The following LSS variants were observed in gnomAD, a reference collection of about 807,000 sequenced individuals.
LSS encodes the protein lanosterol synthase, also known as 2,3-epoxysqualene-lanosterol cyclase.
LSS carries 90 observed loss-of-function variants against 110.3 expected under a neutral mutation model. The observed-to-expected ratio is 0.82, with a 90% CI of 0.69 to 0.97. LSS has a LOEUF of 0.97. LSS is among the 50% of genes least tolerant of loss of function. The pLI, the probability that LSS is intolerant of heterozygous loss-of-function variation, is 0.00. For synonymous variants in LSS, 433 were observed against 400.0 expected, an observed-to-expected ratio of 1.08 and a Z score of -0.98; for missense variants, 927 against 990.0, an observed-to-expected ratio of 0.94 and a Z score of 0.85.
rs1425889021 is a variant in LSS at position 46,194,653 on chromosome 21, C to T, written c.1826G>A (p.Cys609Tyr). The T allele has an allele frequency of 6.2e-7, 1 of 1,612,450 alleles. No individual in the cohort carries two copies. The highest frequency in any genetic ancestry group is 2.2e-5 in the East Asian group (1 of 44,878). Residue 609 changes from cysteine to tyrosine, a missense_variant, in exon 20 of 22, where the codon TGT becomes TAT. Coordinates refer to ENST00000397728, the MANE Select transcript of LSS (RefSeq NM_002340.6). Reference protein sequence around the residue: ...MGQTYRDGTACAEVSRACDFL... With the variant: ...MGQTYRDGTAYAEVSRACDFL... ...GTCACAGGCCCGGGAGACCTCTGCA[C>T]AGGCAGTCCTGCAAAGACCAGAGAC...
rs1389449012 is a variant in LSS at position 46,228,741 on chromosome 21, G to A, written c.5C>T (p.Thr2Met). The A allele has an allele frequency of 1.4e-5, 23 of 1,599,280 alleles. No homozygotes were observed. The highest frequency in any genetic ancestry group is 6.7e-5 in the East Asian group (3 of 44,586). M[T>M]EGTCLRRRGG... The stretch of plus-strand genomic sequence containing the variant: ...GGGCGAGGGGACTCACGTGCCCTCC[G>A]TCATTGCTGCTGCAGTGCTCTACGC... Residue 2 changes from threonine to methionine, a missense_variant, in exon 1 of 22, where the codon ACG (threonine) becomes ATG (methionine). By Grantham distance (81) the Thr-to-Met change is moderately conservative (BLOSUM62 -1). Coordinates refer to ENST00000397728, the MANE Select transcript of LSS (RefSeq NM_002340.6).
rs934118754 is a variant in LSS at position 46,216,148 on chromosome 21, G to T, written c.783+241C>A. Among the ~76,000 whole-genome samples the T allele has an allele frequency of 6.6e-6, 1 of 152,082 alleles. No individual in the cohort carries two copies. Among genetic ancestry groups the T allele is most frequent in the African/African-American group, 2.4e-5 (1 of 41,412 alleles). On this transcript the variant is annotated intron_variant, in intron 7 of 21. Coordinates refer to ENST00000397728, the MANE Select transcript of LSS (RefSeq NM_002340.6). The surrounding 1 kb of genome is among the most constrained non-coding windows in gnomAD (Gnocchi z 4.2). ...TGCCTCCTGCATCCCTTGAGTCCTG[G>T]AAGTCCCCCCCAGGAACCCTGGGCT...
At chr21:46,206,841 C>T in intron 15 of LSS, 73 bp from the exon 16 acceptor site, 1 of 1,121,342 alleles carries the variant, frequency 8.9e-7, no homozygotes, top group South Asian at 1.2e-5. Flanking sequence ...CACAGCGGAA[C>T]TCTCTAGAGG....
intron 3 of LSS, among the ~76,000 whole-genome samples, chr21:46,223,600 T>C (rs1490558237): frequency 6.6e-6 from 1 of 152,232 alleles, no homozygotes; most frequent in African/African-American, 2.4e-5. Context: ...TTATACCAGA[T>C]ATAGATCTTA....
rs117110314 is a variant in LSS, at chr21:46,219,700, T to C, written c.551-128A>G. 3,453 of 536,046 alleles carry C rather than the reference T, an allele frequency of 6.4e-3. 12 individuals are homozygous for C. Among genetic ancestry groups the C allele is most frequent in the Non-Finnish European group, 9.4e-3 (2,926 of 310,322 alleles). The allele number at this position is 536,046 out of a possible 1,614,324, so 33.2% of individuals were successfully genotyped here. A position where few individuals can be genotyped will look rare whatever the true frequency, so the allele number is the denominator to read the frequency against. On this transcript the variant is annotated intron_variant, in intron 5 of 21. Coordinates refer to ENST00000397728, the MANE Select transcript of LSS (RefSeq NM_002340.6). ...TCTCCATGAGGCAAGGGCAGCCTCA[T>C]GTGGATCTTGCGACCCCCATGTGCG...
At chr21:46,208,692 A>C (rs1383619636) in intron 13 of LSS, among the ~76,000 whole-genome samples, 3 of 152,154 alleles carry the variant, frequency 2.0e-5, no homozygotes, top group African/African-American at 7.2e-5. Context: ...CTCTCACCTC[A>C]GTGAGAAGGG....
Position 46,228,527 on chromosome 21 carries a change from G to C in LSS, c.87C>G (p.Cys29Trp). Residue 29 changes from cysteine (C) to tryptophan (W), a missense_variant, in exon 2 of 22, where the codon TGC becomes TGG. Coordinates refer to ENST00000397728, the MANE Select transcript of LSS (RefSeq NM_002340.6). ...ATDLGRWRLN[C>W]ERGRQTWTYL... ...AGGTCCACGTCTGCCGGCCCCTCTC[G>C]CAGTTGAGTCGCCAGCGGCCGAGGT... 1 of 1,600,394 alleles carries C rather than the reference G, an allele frequency of 6.2e-7. No homozygotes were observed. The highest frequency in any genetic ancestry group is 8.5e-7 in the Non-Finnish European group (1 of 1,178,940).
intron 12 of LSS, among the ~76,000 whole-genome samples, chr21:46,210,063 CTTTTTTTTTTT>C (rs71318051): frequency 1.3e-4 from 14 of 107,596 alleles, no homozygotes; most frequent in South Asian, 3.1e-4. Context: ...AGTTCCAGTT[CTTTTTTTTTTT>C]TTTTTTTTTT....
intron 17 of LSS, among the ~76,000 whole-genome samples, chr21:46,198,083 G>C (rs903921100): frequency 6.6e-6 from 1 of 151,998 alleles, no homozygotes; most frequent in Admixed American, 6.5e-5. Context: ...CTGGGCAACA[G>C]AGCAAGATCC....
rs2123727175 is a variant in LSS at position 46,209,086 on chromosome 21, C to T, written c.1266+468G>A. On this transcript the variant is annotated intron_variant, in intron 13 of 21. Coordinates refer to ENST00000397728, the MANE Select transcript of LSS (RefSeq NM_002340.6). This position sits in a 1 kb window ranked among gnomAD's most constrained non-coding sequence, Gnocchi z 4.4. Reference sequence around the variant, plus strand: ...AGGCACGTGTGAGAGACACTGAGGTCAAACTATGGGCTCGGGCAGGGTCTG... The same window carrying T: ...AGGCACGTGTGAGAGACACTGAGGTTAAACTATGGGCTCGGGCAGGGTCTG... Among the ~76,000 whole-genome samples the T allele has an allele frequency of 6.6e-6, 1 of 152,230 alleles. No individual in the cohort carries two copies. Among genetic ancestry groups the T allele is most frequent in the Non-Finnish European group, 1.5e-5 (1 of 67,998 alleles).
At chr21:46,217,243 CA>C (rs752647829) in intron 6 of LSS, among the ~76,000 whole-genome samples, 7 of 42,428 alleles carry the variant, frequency 1.6e-4, no homozygotes, top group Non-Finnish European at 3.3e-4. Context: ...GACTCTGTCT[CA>C]AAAAAAAAAA....
intron 10 of LSS, 116 bp downstream of exon 10, chr21:46,213,622 G>T: frequency 2.6e-6 from 2 of 767,316 alleles, no homozygotes; most frequent in East Asian, 2.7e-5. Context: ...GTTCCTGGAG[G>T]TATTCCCTGG....
chr21:46,227,378 G>T (rs961995514), intron 3 of LSS, 174 bp downstream of exon 3: 2 of 715,786 alleles, frequency 2.8e-6, no homozygotes, highest in Non-Finnish European at 4.5e-6. Flanking sequence ...AAGGCTAGCT[G>T]ATCCCCTAGA....
At chr21:46,199,011 C>T (rs1829064819) in intron 17 of LSS, among the ~76,000 whole-genome samples, 1 of 152,012 alleles carries the variant, frequency 6.6e-6, no homozygotes, top group South Asian at 2.1e-4. Context: ...ACACCAAAAA[C>T]ATGATACATG....
In LSS at chr21:46,193,918, G is replaced by A. The variant is rs1209393984; in HGVS notation, c.1988+573C>T. 7.2e-5 allele frequency among the ~76,000 whole-genome samples: 11 copies of A among 151,860 alleles called. No homozygotes were observed. In the East Asian group the frequency reaches 2.1e-3, roughly 30 times the overall value. ...CTATGTCAGTGTGTGGCACAGATGG[G>A]ATGCTGTGGGTGCATCTGTATGTGT... On this transcript the variant is annotated intron_variant, in intron 20 of 21. Transcript: ENST00000397728.
chr21:46,228,473 C>T lies in LSS; in HGVS notation c.141G>A (p.Glu47=), dbSNP rs768664674. 2 of 1,603,624 alleles carry T rather than the reference C, an allele frequency of 1.2e-6. No individual in the cohort carries two copies. The highest frequency in any genetic ancestry group is 2.2e-5 in the South Asian group (2 of 91,040). ...TYLQDERAGR[E]QTGLEAYALG... is the part of the protein sequence containing the mutation. ...GGGCGTAGGCTTCCAGGCCGGTCTG[C>T]TCGCGGCCGGCGCGCTCGTCCTGCA... The change falls in exon 2 of 22, where the codon GAG becomes GAA. Residue 47 remains glutamate (E), a synonymous_variant. Coordinates refer to ENST00000397728, the MANE Select transcript of LSS (RefSeq NM_002340.6).
intron 17 of LSS, among the ~76,000 whole-genome samples, chr21:46,204,629 A>G (rs966179100): frequency 1.3e-5 from 2 of 151,636 alleles, no homozygotes; most frequent in African/African-American, 2.4e-5. Context: ...TCTCAAAAAA[A>G]AAAGAAAGAA....
chr21:46,196,912 A>G (rs1393775068), intron 17 of LSS, among the ~76,000 whole-genome samples: 1 of 152,266 alleles, frequency 6.6e-6, no homozygotes, highest in Admixed American at 6.5e-5. Flanking sequence ...GGTAGTCGGC[A>G]GCTTCCAGCT....
chr21:46,210,345 T>G (rs1341657597), intron 12 of LSS, among the ~76,000 whole-genome samples: 1 of 151,968 alleles, frequency 6.6e-6, no homozygotes, highest in Non-Finnish European at 1.5e-5. Context: ...GGATTACAGG[T>G]GTGAGCCACC....
Sources: gnomAD v4.1 joint callset for allele counts (sites outside exome capture counted in the v4.1 genomes callset) on GRCh38, gnomAD v4.1.1 for gene constraint, Gnocchi (gnomAD v3.1) non-coding constraint, MANE v1.5 for transcripts, NCBI Gene and HGNC (gene_info 2026-07-23, HGNC 2026-07-21) for gene names.